The following MSI2 variants were observed in gnomAD, a reference collection of about 807,000 sequenced individuals.
MSI2 encodes the protein RNA-binding protein Musashi homolog 2.
A neutral mutation model predicts 45.6 loss-of-function variants in MSI2; 17 were observed. The ratio of observed to expected loss-of-function variants is 0.37; its 90% CI spans 0.26 to 0.56. The LOEUF (loss-of-function observed/expected upper bound fraction) is 0.56. MSI2 is among the 20% of genes least tolerant of loss of function. The pLI is 0.77. For missense variants in MSI2, 293 were observed against 444.2 expected (o/e 0.66, Z 3.06); for synonymous variants, 156 against 158.2 (o/e 0.99, Z 0.11).
chr17:57,649,440 CAT>C (rs750950463), intron 10 of MSI2, among the ~76,000 whole-genome samples: 7 of 151,208 alleles, frequency 4.6e-5, no homozygotes, highest in Non-Finnish European at 1.0e-4. Flanking sequence ...CACACACACA[CAT>C]CCAATACATA....
At chr17:57,475,318 A>G (rs2085516616) in intron 6 of MSI2, among the ~76,000 whole-genome samples, 1 of 152,110 alleles carries the variant, frequency 6.6e-6, no homozygotes, top group Admixed American at 6.5e-5. Flanking sequence ...TGGTTTTTGG[A>G]TGGACAGATG....
chr17:57,472,397 C>T (rs893242829), intron 6 of MSI2, among the ~76,000 whole-genome samples: 2 of 152,116 alleles, frequency 1.3e-5, no homozygotes, highest in Admixed American at 6.5e-5. Flanking sequence ...CAGATCAGAT[C>T]CCCTTAGTGA....
At chr17:57,338,253 T>C (rs546015729) in intron 5 of MSI2, among the ~76,000 whole-genome samples, 1 of 152,236 alleles carries the variant, frequency 6.6e-6, no homozygotes, top group African/African-American at 2.4e-5. Flanking sequence ...TATGCCCAGC[T>C]AAATTTCTGT....
chr17:57,449,169 A>G (rs2084951687), intron 6 of MSI2: 1 of 152,318 alleles, frequency 6.6e-6, no homozygotes, highest in African/African-American at 2.4e-5. Flanking sequence ...AGGAATGCCA[A>G]TACTGTGTCC....
At chr17:57,656,701 C>T (rs920034852) in intron 11 of MSI2, among the ~76,000 whole-genome samples, 4 of 152,264 alleles carry the variant, frequency 2.6e-5, no homozygotes, top group African/African-American at 4.8e-5. Context: ...GGCACAGTTT[C>T]GTGGAGACAG....
chr17:57,496,769 G>C (rs1201076954), intron 6 of MSI2, among the ~76,000 whole-genome samples: 1 of 152,184 alleles, frequency 6.6e-6, no homozygotes, highest in Non-Finnish European at 1.5e-5. Context: ...AACAGGGCAG[G>C]GCACCCAAGG....
chr17:57,548,898 T>TCCCCCCCCCCCCCCCCC (rs758120237), intron 7 of MSI2, among the ~76,000 whole-genome samples: 80 of 121,202 alleles, frequency 6.6e-4, no homozygotes, highest in South Asian at 8.5e-4. Flanking sequence ...TGTTTACCCT[T>TCCCCCCCCCCCCCCCCC]CCCCCCCCCA....
chr17:57,303,616 A>AATCTT (rs1198427566), intron 5 of MSI2, among the ~76,000 whole-genome samples: 1 of 152,140 alleles, frequency 6.6e-6, no homozygotes, highest in African/African-American at 2.4e-5. Context: ...TACAGGAAAA[A>AATCTT]ATCTTTACTC....
intron 6 of MSI2, among the ~76,000 whole-genome samples, chr17:57,504,327 C>T (rs928907633): frequency 4.8e-4 from 73 of 152,282 alleles, no homozygotes; most frequent in African/African-American, 1.7e-3. Flanking sequence ...TTCAGTTTTC[C>T]CTTCTGTGGA....
intron 6 of MSI2, among the ~76,000 whole-genome samples, chr17:57,514,700 C>T (rs1054915907): frequency 6.8e-6 from 1 of 147,414 alleles, no homozygotes; most frequent in African/African-American, 2.5e-5. Context: ...TTTCCCTCTC[C>T]GTTCTTTTTT....
chr17:57,305,323 C>A (rs1020434893), intron 5 of MSI2, among the ~76,000 whole-genome samples: 1 of 152,094 alleles, frequency 6.6e-6, no homozygotes, highest in Non-Finnish European at 1.5e-5. Flanking sequence ...CTGGAGCCTC[C>A]GATGTTGAGG....
rs146579043 is a variant in MSI2, at chr17:57,647,219, A to G, written c.728-4880A>G. ...CAAGGTGGGCAGATCACCTGAGGTC[A>G]GGAGTTCAAGACCAGCCTGGCCAAC... On this transcript the variant is annotated intron_variant, in intron 10 of 13. Coordinates refer to ENST00000284073, the MANE Select transcript of MSI2 (RefSeq NM_138962.4). Among the ~76,000 whole-genome samples, 918 of 146,898 alleles carry G rather than the reference A, an allele frequency of 6.2e-3. 13 individuals carry two copies. The highest frequency in any genetic ancestry group is 0.021 in the African/African-American group (838 of 39,712).
chr17:57,397,241 A>G (rs1018745198), intron 5 of MSI2, among the ~76,000 whole-genome samples: 2 of 152,190 alleles, frequency 1.3e-5, no homozygotes, highest in Non-Finnish European at 1.5e-5. Flanking sequence ...TTCACTGGGT[A>G]AAGAGGATTT....
intron 5 of MSI2, among the ~76,000 whole-genome samples, chr17:57,347,199 A>G (rs968869940): frequency 3.3e-5 from 5 of 152,182 alleles, no homozygotes; most frequent in Non-Finnish European, 5.9e-5. Flanking sequence ...AATGAGTTCT[A>G]GAAGCCCTGG....
chr17:57,560,292 G>T (rs1307385458), intron 7 of MSI2, among the ~76,000 whole-genome samples: 1 of 152,186 alleles, frequency 6.6e-6, no homozygotes, highest in South Asian at 2.1e-4. Context: ...GGGTGGTGGA[G>T]GGGGAGAGTT....
intron 7 of MSI2, among the ~76,000 whole-genome samples, chr17:57,546,907 C>T (rs567704393): frequency 5.3e-5 from 8 of 152,338 alleles, no homozygotes; most frequent in African/African-American, 1.9e-4. Flanking sequence ...GGCCAAATCC[C>T]AGCCCTCCTG....
At chr17:57,479,606 G>A (rs2085609344) in intron 6 of MSI2, among the ~76,000 whole-genome samples, 1 of 152,184 alleles carries the variant, frequency 6.6e-6, no homozygotes. Context: ...AAAGAATCAG[G>A]ATTAGAAATT....
intron 5 of MSI2, among the ~76,000 whole-genome samples, chr17:57,342,431 G>T (rs1392246838): frequency 6.6e-6 from 1 of 152,190 alleles, no homozygotes; most frequent in African/African-American, 2.4e-5. Context: ...GGAGGACAAA[G>T]TTTAGTAGAA....
intron 5 of MSI2, chr17:57,285,814 C>T (rs1429632013): frequency 1.0e-5 from 14 of 1,390,266 alleles, no homozygotes; most frequent in South Asian, 5.2e-5. Flanking sequence ...TCTCCTTGCC[C>T]GTCAGTTAGC....
Sources: gnomAD v4.1 joint callset for allele counts (sites outside exome capture counted in the v4.1 genomes callset) on GRCh38, gnomAD v4.1.1 for gene constraint, MANE v1.5 for transcripts, NCBI Gene and HGNC (gene_info 2026-07-23, HGNC 2026-07-21) for gene names.